The following RFC1 variants were observed in gnomAD, a reference collection of about 807,000 sequenced individuals.
The protein encoded by RFC1 is A1 140 kDa subunit.
In RFC1, 37 loss-of-function variants were observed where a neutral mutation model predicts 137.4. The observed-to-expected ratio is 0.27, with a 90% CI of 0.21 to 0.35. The LOEUF is 0.35. Ranked by LOEUF, RFC1 falls within the 10% of genes least tolerant of loss-of-function variation. The pLI is 1.00. For missense variants in RFC1, 1,205 were observed against 1,358.5 expected (o/e 0.89, Z 1.78); for synonymous variants, 429 against 455.7 (o/e 0.94, Z 0.75).
intron 3 of RFC1, among the ~76,000 whole-genome samples, chr4:39,343,325 A>C (rs1451736155): frequency 6.6e-6 from 1 of 151,868 alleles, no homozygotes; most frequent in Non-Finnish European, 1.5e-5. Context: ...GCCTGGCCTA[A>C]TCTCCCTATT....
chr4:39,329,773 A>T (rs555093684), intron 4 of RFC1, among the ~76,000 whole-genome samples: 71 of 152,042 alleles, frequency 4.7e-4, no homozygotes, highest in African/African-American at 1.7e-3. Flanking sequence ...AGTGGCTCAC[A>T]CCTGCAATCC....
chr4:39,290,080 C>A, intron 23 of RFC1, 41 bp from the exon 24 acceptor site: 1 of 1,442,920 alleles, frequency 6.9e-7, no homozygotes, highest in Non-Finnish European at 9.6e-7. Context: ...AAATCTAAGT[C>A]CCAAACAATT....
chr4:39,314,984 C>T (rs1739167813), intron 10 of RFC1, among the ~76,000 whole-genome samples: 1 of 152,122 alleles, frequency 6.6e-6, no homozygotes, highest in South Asian at 2.1e-4. Context: ...TTAAATCTCC[C>T]CCTAAATTCC....
At position 39,295,670 on chromosome 4, in the gene RFC1, C is replaced by T. The variant is rs747832718; in HGVS notation, c.2898G>A (p.Ser966=). The change falls in exon 22 of 25, where the codon TCG becomes TCA. Residue 966 remains serine (S), a synonymous_variant. Transcript: ENST00000349703. ...PTFPSWLGKH[S]STGKHDRIVQ... ...CAATACGATCATGTTTGCCTGTAGA[C>T]GAGTGCTTCCCCAGCCAGCTTGGGA... 1.7e-5 allele frequency: 28 copies of T among 1,613,606 alleles called. No individual in the cohort carries two copies. In the South Asian group the frequency reaches 1.8e-4, roughly 10 times the overall value.
intron 1 of RFC1, among the ~76,000 whole-genome samples, chr4:39,357,171 A>C (rs1741517667): frequency 6.6e-6 from 1 of 152,224 alleles, no homozygotes; most frequent in South Asian, 2.1e-4. Context: ...AGAAGAAATA[A>C]AGCACACTGA....
At chr4:39,313,671 T>C (rs537637542) in intron 10 of RFC1, among the ~76,000 whole-genome samples, 74 of 151,318 alleles carry the variant, frequency 4.9e-4, no homozygotes, top group African/African-American at 1.5e-3. Flanking sequence ...TAATAAAAAA[T>C]TTTTACTGTT....
At chr4:39,308,581 A>G in intron 13 of RFC1, 55 bp downstream of exon 13, 1 of 1,549,600 alleles carries the variant, frequency 6.5e-7, no homozygotes, top group Non-Finnish European at 8.7e-7. Context: ...TGTGCCACTG[A>G]GCAATCACAT....
At chr4:39,362,864 G>A (rs1193667385) in intron 1 of RFC1, among the ~76,000 whole-genome samples, 1 of 152,234 alleles carries the variant, frequency 6.6e-6, no homozygotes, top group Non-Finnish European at 1.5e-5. Flanking sequence ...AAATCAGAGA[G>A]GTAGGTAGGG....
chr4:39,363,917 A>T (rs1266078886), intron 1 of RFC1, among the ~76,000 whole-genome samples: 9 of 115,508 alleles, frequency 7.8e-5, no homozygotes, highest in African/African-American at 2.2e-4. Context: ...AAGAAGAAGA[A>T]GATGATAAGT....
intron 2 of RFC1, among the ~76,000 whole-genome samples, chr4:39,350,267 TC>T (rs1255575314): frequency 6.6e-6 from 1 of 151,938 alleles, no homozygotes; most frequent in East Asian, 1.9e-4. Flanking sequence ...ATATCAAAAC[TC>T]CAACGTTTAT....
At chr4:39,316,422 C>T (rs1739244050) in intron 10 of RFC1, among the ~76,000 whole-genome samples, 1 of 152,048 alleles carries the variant, frequency 6.6e-6, no homozygotes, top group Admixed American at 6.5e-5. Context: ...TACATTCTGG[C>T]CCCTCTGCCC....
At chr4:39,355,098 T>TACACACACACACAC (rs59438877) in intron 1 of RFC1, among the ~76,000 whole-genome samples, 28 of 88,964 alleles carry the variant, frequency 3.1e-4, no homozygotes, top group African/African-American at 1.1e-3. Flanking sequence ...AAAAAAAAAA[T>TACACACACACACAC]ACACACACAC....
intron 10 of RFC1, among the ~76,000 whole-genome samples, chr4:39,313,398 C>T (rs920593726): frequency 3.3e-5 from 5 of 152,130 alleles, no homozygotes; most frequent in Non-Finnish European, 7.4e-5. Flanking sequence ...GTTAATGTTT[C>T]GAAACAATGT....
At position 39,304,946 on chromosome 4, in the gene RFC1, A is replaced by C; in HGVS notation, c.1996-18T>G. The C allele has an allele frequency of 6.9e-7, 1 of 1,455,566 alleles. No homozygotes were observed. The highest frequency in any genetic ancestry group is 9.7e-7 in the Non-Finnish European group (1 of 1,035,756). 90.2% of individuals were successfully genotyped at this position (1,455,566 alleles called of 1,614,324 possible). ...CCCAACTCCTAATCAAAATATTGGA[A>C]ACCACTGAAGGCACAATACAAATTA... On this transcript the variant is annotated intron_variant, in intron 14 of 24. Coordinates refer to ENST00000349703, the MANE Select transcript of RFC1 (RefSeq NM_002913.5).
chr4:39,309,405 G>A (rs1738855262), intron 12 of RFC1, among the ~76,000 whole-genome samples: 1 of 152,096 alleles, frequency 6.6e-6, no homozygotes, highest in Non-Finnish European at 1.5e-5. Context: ...CCACATTATA[G>A]CTAAAAGATG....
At chr4:39,323,565 TG>T in intron 6 of RFC1, 148 bp from the exon 7 acceptor site, 1 of 706,620 alleles carries the variant, frequency 1.4e-6, no homozygotes, top group Non-Finnish European at 2.3e-6. Context: ...ACATTAATAG[TG>T]AAGTATCACA....
chr4:39,366,017 A>G (rs1742007820), intron 1 of RFC1, among the ~76,000 whole-genome samples: 1 of 152,150 alleles, frequency 6.6e-6, no homozygotes, highest in South Asian at 2.1e-4. Flanking sequence ...ACACGTAGCA[A>G]CAAAATCCCT....
chr4:39,332,987 T>C (rs1740177942), intron 4 of RFC1, among the ~76,000 whole-genome samples: 1 of 152,224 alleles, frequency 6.6e-6, no homozygotes, highest in Admixed American at 6.5e-5. Flanking sequence ...AGAGGCTAAG[T>C]GCCCAGTGTA....
chr4:39,314,937 A>G (rs914037653), intron 10 of RFC1, among the ~76,000 whole-genome samples: 4 of 152,104 alleles, frequency 2.6e-5, no homozygotes, highest in African/African-American at 9.7e-5. Flanking sequence ...CCCATTAGCA[A>G]AACGCATGCT....
Sources: allele counts gnomAD v4.1 joint callset (sites outside exome capture counted in the v4.1 genomes callset), GRCh38; gene constraint gnomAD v4.1.1; transcripts MANE v1.5; gene names NCBI Gene and HGNC (gene_info 2026-07-23, HGNC 2026-07-21).